Variants in PCDH7 observed in about 807,000 individuals in gnomAD.
PCDH7 encodes the protein protocadherin-7.
In PCDH7, 17 loss-of-function variants were observed where a neutral mutation model predicts 58.9. The ratio of observed to expected loss-of-function variants is 0.29; its 90% confidence interval spans 0.20 to 0.43. PCDH7 has a LOEUF of 0.43. Among genes scored for constraint, PCDH7 ranks in the 20% least tolerant of loss-of-function variants. The probability of loss-of-function intolerance (pLI) is 1.00; values close to 1 mark genes in which losing one functional copy is unlikely to be tolerated. For synonymous variants in PCDH7, 664 were observed against 616.4 expected (o/e 1.08, Z -1.14); for missense variants, 1,274 against 1,441.0 (o/e 0.88, Z 1.88).
At chr4:31,048,495 A>G (rs1050397358) in intron 3 of PCDH7, among the ~76,000 whole-genome samples, 1 of 152,130 alleles carries the variant, frequency 6.6e-6, no homozygotes, top group African/African-American at 2.4e-5. Flanking sequence ...CCATGTCAGT[A>G]GAATTCAGGA....
chr4:31,121,873 A>G (rs751032153), intron 3 of PCDH7, among the ~76,000 whole-genome samples: 17 of 152,160 alleles, frequency 1.1e-4, no homozygotes, highest in Non-Finnish European at 2.5e-4. Context: ...ACAAGGTAGC[A>G]GATTTTATTA....
intron 1 of PCDH7, among the ~76,000 whole-genome samples, chr4:30,756,263 C>T (rs1719292241): frequency 6.6e-6 from 1 of 151,934 alleles, no homozygotes; most frequent in Non-Finnish European, 1.5e-5. Flanking sequence ...AGAATGGCAC[C>T]CCGCTGTTCA....
At chr4:30,780,458 G>C (rs910217121) in intron 1 of PCDH7, among the ~76,000 whole-genome samples, 6 of 151,078 alleles carry the variant, frequency 4.0e-5, no homozygotes, top group African/African-American at 1.2e-4. Context: ...AGTTAGCTGA[G>C]ACTGTGCCAC....
chr4:30,886,692 T>A (rs1315426691), intron 1 of PCDH7, among the ~76,000 whole-genome samples: 1 of 151,522 alleles, frequency 6.6e-6, no homozygotes, highest in Non-Finnish European at 1.5e-5. Context: ...ATTGCGGCAT[T>A]ATTCACAATA....
At chr4:31,126,900 C>A (rs1560248940) in intron 3 of PCDH7, among the ~76,000 whole-genome samples, 1 of 152,106 alleles carries the variant, frequency 6.6e-6, no homozygotes, top group East Asian at 1.9e-4. Context: ...AAGACACTGG[C>A]CAATACACAA....
chr4:31,082,886 A>G (rs1578748385), intron 3 of PCDH7, among the ~76,000 whole-genome samples: 1 of 152,276 alleles, frequency 6.6e-6, no homozygotes, highest in Non-Finnish European at 1.5e-5. Context: ...AGGTGGGCGG[A>G]TCACGAGGTC....
At chr4:30,789,643 A>G (rs1723853953) in intron 1 of PCDH7, among the ~76,000 whole-genome samples, 1 of 152,114 alleles carries the variant, frequency 6.6e-6, no homozygotes, top group South Asian at 2.1e-4. Flanking sequence ...CTTGCAAAAT[A>G]GTGTCACTTT....
intron 3 of PCDH7, among the ~76,000 whole-genome samples, chr4:31,025,528 A>G (rs61792945): frequency 0.16 from 24,780 of 152,236 alleles, 2,683 homozygotes; most frequent in Middle Eastern, 0.27. Flanking sequence ...AAGGAGATAT[A>G]TGAGATTGTT....
At chr4:31,047,164 T>C (rs1756356753) in intron 3 of PCDH7, among the ~76,000 whole-genome samples, 1 of 152,038 alleles carries the variant, frequency 6.6e-6, no homozygotes, top group South Asian at 2.1e-4. Flanking sequence ...AAATATCACA[T>C]AACAGCAGTT....
intron 3 of PCDH7, among the ~76,000 whole-genome samples, chr4:31,113,291 A>C (rs1444552424): frequency 6.6e-6 from 1 of 152,190 alleles, no homozygotes; most frequent in Non-Finnish European, 1.5e-5. Flanking sequence ...AACATCAACA[A>C]GGTCAAGTGG....
chr4:31,005,914 C>T (rs1255880058), intron 3 of PCDH7, among the ~76,000 whole-genome samples: 1 of 152,174 alleles, frequency 6.6e-6, no homozygotes, highest in Non-Finnish European at 1.5e-5. Flanking sequence ...AGATAAATTC[C>T]TGGGTTGCAG....
At chr4:30,787,669 G>T (rs980176731) in intron 1 of PCDH7, among the ~76,000 whole-genome samples, 3 of 152,020 alleles carry the variant, frequency 2.0e-5, no homozygotes, top group Non-Finnish European at 2.9e-5. Context: ...TATTGAGGAT[G>T]AATTGCATGC....
At chr4:31,141,033 C>A (rs915025737) in intron 3 of PCDH7, among the ~76,000 whole-genome samples, 6 of 152,184 alleles carry the variant, frequency 3.9e-5, no homozygotes, top group Admixed American at 1.3e-4. Flanking sequence ...AATGTCAATA[C>A]TTCAGTTACC....
intron 1 of PCDH7, among the ~76,000 whole-genome samples, chr4:30,787,746 T>C (rs1369007502): frequency 2.3e-4 from 35 of 152,192 alleles, no homozygotes. Flanking sequence ...CTAATTTTTG[T>C]ATGGGTGTGA....
intron 2 of PCDH7, among the ~76,000 whole-genome samples, chr4:30,928,044 TG>T (rs1315802312): frequency 9.9e-5 from 15 of 152,182 alleles, no homozygotes; most frequent in Non-Finnish European, 2.2e-4. Context: ...GGCACATTCT[TG>T]GCTCACTACA....
intron 1 of PCDH7, among the ~76,000 whole-genome samples, chr4:30,822,334 G>A (rs1728476662): frequency 1.3e-5 from 2 of 152,252 alleles, no homozygotes; most frequent in South Asian, 2.1e-4. Flanking sequence ...TTAGAGTGCA[G>A]GCCAGCGACC....
At chr4:31,101,613 T>A (rs916469220) in intron 3 of PCDH7, among the ~76,000 whole-genome samples, 1 of 152,224 alleles carries the variant, frequency 6.6e-6, no homozygotes, top group Admixed American at 6.5e-5. Context: ...GTCACTTAGA[T>A]TCTTAACAAT....
chr4:30,849,278 T>A (rs188657947), intron 1 of PCDH7, among the ~76,000 whole-genome samples: 168 of 152,254 alleles, frequency 1.1e-3, no homozygotes, highest in Admixed American at 2.7e-3. Flanking sequence ...CATAGATTCA[T>A]AGTGAGAAAA....
At chr4:30,785,141 A>G (rs765904505) in intron 1 of PCDH7, among the ~76,000 whole-genome samples, 4 of 152,074 alleles carry the variant, frequency 2.6e-5, no homozygotes, top group Non-Finnish European at 5.9e-5. Flanking sequence ...AAAAATAGTT[A>G]AATAGTTGAT....
Sources: gnomAD v4.1 joint callset for allele counts (sites outside exome capture counted in the v4.1 genomes callset) on GRCh38, gnomAD v4.1.1 for gene constraint, MANE v1.5 for transcripts, NCBI Gene and HGNC (gene_info 2026-07-23, HGNC 2026-07-21) for gene names.